CTNNA2: variants seen among roughly 807,000 people sequenced by gnomAD.
CTNNA2 encodes catenin alpha-2.
CTNNA2 carries 42 observed loss-of-function variants against 101.0 expected under a neutral mutation model. The observed-to-expected ratio is 0.42, with a 90% CI of 0.32 to 0.54. CTNNA2 has a LOEUF of 0.54. Ranked by LOEUF, CTNNA2 falls within the 20% of genes least tolerant of loss-of-function variation. The pLI, the probability that CTNNA2 is intolerant of heterozygous loss-of-function variation, is 0.14. For synonymous variants in CTNNA2, 450 were observed against 456.4 expected, an observed-to-expected ratio of 0.99 and a Z score of 0.18; for missense variants, 871 against 1,223.1, an observed-to-expected ratio of 0.71 and a Z score of 4.29.
At chr2:79,621,957 A>G (rs1452138281) in intron 1 of CTNNA2, among the ~76,000 whole-genome samples, 2 of 152,226 alleles carry the variant, frequency 1.3e-5, no homozygotes, top group Non-Finnish European at 2.9e-5. Context: ...TGTCCAGGTC[A>G]TCAAAAATAA....
At chr2:80,467,212 A>G (rs1053398065) in intron 9 of CTNNA2, among the ~76,000 whole-genome samples, 2 of 152,178 alleles carry the variant, frequency 1.3e-5, no homozygotes, top group Non-Finnish European at 2.9e-5. Context: ...GCGCTTCCTC[A>G]CTCTAAAAGT....
At chr2:79,869,572 A>C (rs1237702809) in intron 4 of CTNNA2, among the ~76,000 whole-genome samples, 1 of 152,194 alleles carries the variant, frequency 6.6e-6, no homozygotes, top group Non-Finnish European at 1.5e-5. Context: ...TATAATAAAC[A>C]CAGGATTTTA....
chr2:80,285,779 A>G (rs1674714306), intron 7 of CTNNA2, among the ~76,000 whole-genome samples: 1 of 152,240 alleles, frequency 6.6e-6, no homozygotes, highest in African/African-American at 2.4e-5. Context: ...GAATTGATAC[A>G]GAATACCAGC....
At chr2:80,600,290 C>T (rs1341225632) in intron 15 of CTNNA2, among the ~76,000 whole-genome samples, 2 of 151,734 alleles carry the variant, frequency 1.3e-5, no homozygotes, top group African/African-American at 4.8e-5. Flanking sequence ...TTTCAATTAC[C>T]TTGGGATAAG....
chr2:79,683,717 C>T (rs895615279), intron 2 of CTNNA2, among the ~76,000 whole-genome samples: 13 of 148,896 alleles, frequency 8.7e-5, no homozygotes, highest in African/African-American at 2.9e-4. Flanking sequence ...AGTGGAACTT[C>T]ACACAATTGT....
intron 4 of CTNNA2, among the ~76,000 whole-genome samples, chr2:79,387,640 C>T (rs1323510083): frequency 6.6e-6 from 1 of 152,192 alleles, no homozygotes; most frequent in African/African-American, 2.4e-5. Context: ...TCCAATTAGG[C>T]AGAGCTTCCA....
chr2:80,433,976 A>G (rs1681788615), intron 9 of CTNNA2, among the ~76,000 whole-genome samples: 1 of 152,210 alleles, frequency 6.6e-6, no homozygotes, highest in Non-Finnish European at 1.5e-5. Context: ...CCTTTGTCCC[A>G]ATTGCTTAAC....
At chr2:79,871,302 T>C (rs1022959206) in intron 5 of CTNNA2, among the ~76,000 whole-genome samples, 1 of 152,204 alleles carries the variant, frequency 6.6e-6, no homozygotes, top group Admixed American at 6.5e-5. Flanking sequence ...AATGTGATTT[T>C]AGTTTATGTG....
intron 7 of CTNNA2, among the ~76,000 whole-genome samples, chr2:80,232,345 G>GTTTT (rs61454985): frequency 2.5e-4 from 16 of 64,796 alleles, no homozygotes; most frequent in Non-Finnish European, 3.3e-4. Flanking sequence ...TTGTTTGTTT[G>GTTTT]TTTTTTTTTT....
At chr2:79,785,081 C>G (rs1185093383) in intron 3 of CTNNA2, among the ~76,000 whole-genome samples, 1 of 152,136 alleles carries the variant, frequency 6.6e-6, no homozygotes, top group Non-Finnish European at 1.5e-5. Context: ...ATCTCTTAAC[C>G]GGATCCTGGG....
chr2:79,888,396 C>T (rs1684053295), intron 6 of CTNNA2, among the ~76,000 whole-genome samples: 1 of 152,106 alleles, frequency 6.6e-6, no homozygotes, highest in South Asian at 2.1e-4. Context: ...GTTATCGATA[C>T]CTCTGATATT....
chr2:80,376,146 T>C (rs181826878), intron 7 of CTNNA2, among the ~76,000 whole-genome samples: 1 of 152,096 alleles, frequency 6.6e-6, no homozygotes, highest in Non-Finnish European at 1.5e-5. Context: ...TGATTTTTTT[T>C]CCCCTCAGTT....
At chr2:79,734,560 C>T (rs2104937708) in intron 2 of CTNNA2, among the ~76,000 whole-genome samples, 1 of 152,080 alleles carries the variant, frequency 6.6e-6, no homozygotes, top group Non-Finnish European at 1.5e-5. Context: ...CTACTGTCTT[C>T]CAGCAAAGGT....
intron 9 of CTNNA2, among the ~76,000 whole-genome samples, chr2:80,528,909 C>T (rs907425161): frequency 1.1e-4 from 16 of 152,064 alleles, no homozygotes; most frequent in African/African-American, 3.6e-4. Flanking sequence ...AAAGCTGTAT[C>T]TGGTGGAATA....
intron 14 of CTNNA2, among the ~76,000 whole-genome samples, chr2:80,587,085 G>A (rs1020506375): frequency 6.6e-6 from 1 of 152,086 alleles, no homozygotes; most frequent in Non-Finnish European, 1.5e-5. Context: ...GAGTGGTTAA[G>A]AATGATCTTA....
rs544674695 is a variant in CTNNA2 at position 79,744,679 on chromosome 2, G to C, written c.298+97G>C. ...CAATGGATATTTACTCAAAGAAGAA[G>C]TCTTACGTTTTTTTCCTTTCTATCT... is the stretch of plus-strand genomic sequence containing the variant. On this transcript the variant is annotated intron_variant, in intron 3 of 18. Coordinates refer to ENST00000402739, the MANE Select transcript of CTNNA2 (RefSeq NM_001282597.3). 103 of 1,210,726 alleles carry C rather than the reference G, an allele frequency of 8.5e-5. No homozygotes were observed. In the African/African-American group the frequency reaches 1.4e-3, roughly 17 times the overall value. 75.0% of individuals were successfully genotyped at this position (1,210,726 alleles called of 1,614,324 possible).
chr2:79,233,493 T>C (rs531087714), intron 2 of CTNNA2, among the ~76,000 whole-genome samples: 134 of 152,310 alleles, frequency 8.8e-4, no homozygotes, highest in African/African-American at 3.1e-3. Context: ...TCTTAGAATA[T>C]ATTCTGTGTA....
At chr2:79,228,207 A>G (rs1674446126) in intron 2 of CTNNA2, among the ~76,000 whole-genome samples, 1 of 152,250 alleles carries the variant, frequency 6.6e-6, no homozygotes, top group Non-Finnish European at 1.5e-5. Flanking sequence ...ATAGTGCTGC[A>G]GTGAACATAT....
At chr2:80,169,622 G>T (rs966186235) in intron 7 of CTNNA2, among the ~76,000 whole-genome samples, 25 of 152,108 alleles carry the variant, frequency 1.6e-4, no homozygotes, top group Non-Finnish European at 2.9e-5. Flanking sequence ...TGGGTAGGAG[G>T]TGTTGGCCTG....
Sources: allele counts gnomAD v4.1 joint callset (sites outside exome capture counted in the v4.1 genomes callset), GRCh38; gene constraint gnomAD v4.1.1; transcripts MANE v1.5; gene names NCBI Gene and HGNC (gene_info 2026-07-23, HGNC 2026-07-21).